Variants in PAM observed in about 807,000 individuals in gnomAD.
PAM encodes the protein peptidyl-glycine alpha-amidating monooxygenase.
In PAM, 72 loss-of-function variants were observed where a neutral mutation model predicts 122.1. The ratio of observed to expected loss-of-function variants is 0.59; its 90% CI spans 0.49 to 0.72. PAM has a LOEUF of 0.72. Ranked by LOEUF, PAM falls within the 30% of genes least tolerant of loss-of-function variation. The probability of loss-of-function intolerance (pLI) is 0.00; values close to 1 mark genes in which losing one functional copy is unlikely to be tolerated. For synonymous variants in PAM, 389 were observed against 404.4 expected, an observed-to-expected ratio of 0.96 and a Z score of 0.46; for missense variants, 1,106 against 1,183.7, an observed-to-expected ratio of 0.93 and a Z score of 0.96.
chr5:102,821,876 C>T (rs1189080393), intron 1 of PAM, among the ~76,000 whole-genome samples: 1 of 152,174 alleles, frequency 6.6e-6, no homozygotes, highest in Non-Finnish European at 1.5e-5. Context: ...ATTTAAGTTT[C>T]TGCTGCATAT....
At chr5:102,861,135 C>A (rs893623000) in intron 1 of PAM, among the ~76,000 whole-genome samples, 2 of 152,214 alleles carry the variant, frequency 1.3e-5, no homozygotes, top group African/African-American at 2.4e-5. Context: ...GCCATGTGAG[C>A]AAGCTGTCTT....
At chr5:102,837,767 A>G (rs895890138) in intron 1 of PAM, 3 of 152,192 alleles carry the variant, frequency 2.0e-5, no homozygotes, top group Admixed American at 1.3e-4. Context: ...TTATATGTGC[A>G]CTTTTAAGCT....
chr5:103,025,061 G>T (rs1395787162), intron 23 of PAM, 70 bp from the exon 24 acceptor site: 2 of 1,022,584 alleles, frequency 2.0e-6, no homozygotes, highest in African/African-American at 3.2e-5. Context: ...ATTTGACTGG[G>T]TAGGGGTGGG....
rs373224970 is a variant in PAM at position 102,762,236 on chromosome 5, CT to C, written c.-374+6889del. Among the ~76,000 whole-genome samples, 137 of 152,258 alleles carry C rather than the reference CT, an allele frequency of 9.0e-4. 1 individual carries two copies. Among genetic ancestry groups the C allele is most frequent in the African/African-American group, 3.0e-3 (124 of 41,550 alleles). On this transcript the variant is annotated intron_variant, in intron 1 of 25. Coordinates refer to ENST00000438793, the MANE Select transcript of PAM (RefSeq NM_001177306.2). The stretch of plus-strand genomic sequence containing the variant: ...CTCTTTTATTTGCCACAGTTCTTAC[CT>C]GTGCTTCAGGCTTGTCTTGCCTTGT...
chr5:102,852,728 G>C (rs1781631915), intron 1 of PAM, among the ~76,000 whole-genome samples: 1 of 152,044 alleles, frequency 6.6e-6, no homozygotes, highest in Admixed American at 6.5e-5. Context: ...CCACTTCAAA[G>C]GAACTACCTC....
At chr5:102,926,740 T>A (rs1749713369) in intron 7 of PAM, 72 bp downstream of exon 7, 1 of 767,922 alleles carries the variant, frequency 1.3e-6, no homozygotes, top group Admixed American at 2.1e-5. Flanking sequence ...CACAAACTAT[T>A]ATCTACATCT....
chr5:102,863,018 TAGAGGGAA>T (rs1561666394), intron 1 of PAM, among the ~76,000 whole-genome samples: 1 of 150,930 alleles, frequency 6.6e-6, no homozygotes, highest in African/African-American at 2.5e-5. Context: ...AAATGAAAAT[TAGAGGGAA>T]TGGACTGCCT....
intron 23 of PAM, among the ~76,000 whole-genome samples, chr5:103,020,432 A>C (rs944589166): frequency 6.6e-6 from 1 of 152,210 alleles, no homozygotes; most frequent in Non-Finnish European, 1.5e-5. Context: ...ATTTACATAC[A>C]TAAACACATA....
intron 1 of PAM, among the ~76,000 whole-genome samples, chr5:102,835,131 T>G (rs1314854127): frequency 1.3e-5 from 2 of 152,178 alleles, no homozygotes; most frequent in Non-Finnish European, 2.9e-5. Flanking sequence ...ATCTTGCATG[T>G]ATATAGCATT....
At chr5:102,842,996 A>G (rs892143193) in intron 1 of PAM, among the ~76,000 whole-genome samples, 11 of 152,202 alleles carry the variant, frequency 7.2e-5, no homozygotes, top group Admixed American at 3.9e-4. Flanking sequence ...TTAAGAAGCA[A>G]GGTCCTAACA....
At chr5:103,026,310 C>G (rs1470469536) in intron 24 of PAM, among the ~76,000 whole-genome samples, 3 of 152,146 alleles carry the variant, frequency 2.0e-5, no homozygotes. Flanking sequence ...GATCAAGAAA[C>G]AGCATCTGAT....
chr5:102,801,848 G>T (rs1417778429), intron 1 of PAM, among the ~76,000 whole-genome samples: 1 of 139,856 alleles, frequency 7.2e-6, no homozygotes, highest in Non-Finnish European at 1.5e-5. Flanking sequence ...GCGCGATCTC[G>T]GCTCACTGCA....
intron 14 of PAM, among the ~76,000 whole-genome samples, chr5:102,970,960 C>A (rs1009895702): frequency 6.6e-6 from 1 of 152,070 alleles, no homozygotes; most frequent in Non-Finnish European, 1.5e-5. Context: ...GTGCCCACCA[C>A]CACACCTGGC....
At position 103,025,300 on chromosome 5, in the gene PAM, A is replaced by G; in HGVS notation, c.2655A>G (p.Ile885Met). 1 of 1,613,670 alleles carries G rather than the reference A, an allele frequency of 6.2e-7. No individual in the cohort carries two copies. Among genetic ancestry groups the G allele is most frequent in the Non-Finnish European group, 8.5e-7 (1 of 1,179,698 alleles). The change falls in exon 24 of 26, where the codon ATA becomes ATG. Residue 885 changes from isoleucine to methionine, a missense_variant. Physicochemically the swap from Ile to Met is conservative, Grantham distance 10 (BLOSUM62 1). Coordinates refer to ENST00000438793, the MANE Select transcript of PAM (RefSeq NM_001177306.2). The stretch of plus-strand genomic sequence containing the variant: ...TGGTTGTCCTGCTGGCCATTGCCAT[A>G]TTTATTCGGTGGAAAAAATCAAGGG... ...IPVVVLLAIA[I>M]FIRWKKSRAF...
intron 22 of PAM, among the ~76,000 whole-genome samples, chr5:103,018,445 T>C (rs1782634191): frequency 1.3e-5 from 2 of 152,146 alleles, no homozygotes; most frequent in Non-Finnish European, 2.9e-5. Flanking sequence ...GAACTATCCT[T>C]TGGATAACGT....
intron 1 of PAM, among the ~76,000 whole-genome samples, chr5:102,854,757 T>C (rs771075725): frequency 6.6e-6 from 1 of 152,204 alleles, no homozygotes; most frequent in African/African-American, 2.4e-5. Flanking sequence ...AACAGTTTAA[T>C]AGCAATGAAA....
chr5:102,992,407 T>A (rs1028461981), intron 16 of PAM, among the ~76,000 whole-genome samples: 2 of 152,162 alleles, frequency 1.3e-5, no homozygotes, highest in African/African-American at 2.4e-5. Context: ...TAGCAGACTT[T>A]GCAATCCATG....
intron 7 of PAM, among the ~76,000 whole-genome samples, chr5:102,943,884 A>C (rs560407697): frequency 6.6e-6 from 1 of 152,290 alleles, no homozygotes; most frequent in African/African-American, 2.4e-5. Context: ...ATTCAGTTTC[A>C]TCTTCCTTAA....
chr5:103,022,233 T>TA (rs142082103), intron 23 of PAM, among the ~76,000 whole-genome samples: 38,030 of 146,808 alleles, frequency 0.26, 5,136 homozygotes, highest in East Asian at 0.44. Context: ...GGAAACACAT[T>TA]AAAAAAAAAA....
Sources: gnomAD v4.1 joint callset for allele counts (sites outside exome capture counted in the v4.1 genomes callset) on GRCh38, gnomAD v4.1.1 for gene constraint, MANE v1.5 for transcripts, NCBI Gene and HGNC (gene_info 2026-07-23, HGNC 2026-07-21) for gene names.